ANAPC5: variants seen among roughly 807,000 people sequenced by gnomAD.
ANAPC5 encodes anaphase promoting complex subunit 5, also known as anaphase-promoting complex subunit 5.
In ANAPC5, 60 loss-of-function variants were observed where a neutral mutation model predicts 91.3. The ratio of observed to expected loss-of-function variants is 0.66; its 90% CI spans 0.53 to 0.81. ANAPC5 has a LOEUF of 0.81. ANAPC5 is among the 40% of genes least tolerant of loss of function. ANAPC5 has a pLI of 0.00. For synonymous variants in ANAPC5, 340 were observed against 364.1 expected (o/e 0.93, Z 0.75); for missense variants, 690 against 931.5 (o/e 0.74, Z 3.37).
In ANAPC5 at chr12:121,330,659, ACATAAAGCCAGCT is replaced by A; in HGVS notation, c.1033_1045del (p.Ser345CysfsTer17). The stretch of plus-strand genomic sequence containing the variant: ...GCTATCGGATCTCTTCTGCCCCAGC[ACATAAAGCCAGCT>A]CTGGCAAGAGAAATCATCAAAATAT... On this transcript the variant is annotated frameshift_variant and splice_region_variant, in exon 9 of 17. Coordinates refer to ENST00000261819, the MANE Select transcript of ANAPC5 (RefSeq NM_016237.5). LOFTEE classifies it high-confidence loss of function. 6.2e-7 allele frequency: 1 copy of A among 1,614,124 alleles called. No individual in the cohort carries two copies. Among genetic ancestry groups the A allele is most frequent in the Non-Finnish European group, 8.5e-7 (1 of 1,179,954 alleles).
At chr12:121,318,099 G>T in intron 15 of ANAPC5, 178 bp downstream of exon 15, 1 of 618,964 alleles carries the variant, frequency 1.6e-6, no homozygotes, top group Non-Finnish European at 2.4e-6. Context: ...GTGTCAGTTT[G>T]TCACCAGGTT....
At position 121,318,461 on chromosome 12, in the gene ANAPC5, C is replaced by T. The variant is rs752761992; in HGVS notation, c.1746-37G>A. ...GAGGAAAACACAGGATGAGAAGATCCACCACCACATCTCCGTGAGATGTAC... is the reference window on the plus strand; with the variant it reads ...GAGGAAAACACAGGATGAGAAGATCTACCACCACATCTCCGTGAGATGTAC... On this transcript the variant is annotated intron_variant, in intron 14 of 16. Transcript: ENST00000261819. 1.9e-6 allele frequency: 3 copies of T among 1,611,594 alleles called. No homozygotes were observed. In the South Asian group the frequency reaches 3.3e-5, roughly 18 times the overall value.
At chr12:121,322,539 C>A (rs1379432647) in intron 11 of ANAPC5, among the ~76,000 whole-genome samples, 1 of 152,184 alleles carries the variant, frequency 6.6e-6, no homozygotes, top group Non-Finnish European at 1.5e-5. Context: ...ATGAATAAAT[C>A]TTTCAATGTC....
At chr12:121,336,791 A>C (rs1349907545) in intron 6 of ANAPC5, among the ~76,000 whole-genome samples, 1 of 152,234 alleles carries the variant, frequency 6.6e-6, no homozygotes, top group African/African-American at 2.4e-5. Context: ...AAGAGTAAGA[A>C]GAAATCGCCT....
intron 10 of ANAPC5, 59 bp downstream of exon 10, chr12:121,328,257 C>G (rs1404801003): frequency 6.5e-7 from 1 of 1,537,776 alleles, no homozygotes; most frequent in African/African-American, 1.4e-5. Flanking sequence ...ACAGAACCAG[C>G]TTGCTAGCTC....
chr12:121,337,480 C>A (rs1432979679), intron 5 of ANAPC5, 88 bp from the exon 6 acceptor site: 2 of 1,042,042 alleles, frequency 1.9e-6, no homozygotes, highest in Non-Finnish European at 2.8e-6. Context: ...TGATTATTTT[C>A]TTTTCTACAG....
intron 8 of ANAPC5, 85 bp downstream of exon 8, chr12:121,331,262 C>T (rs1277521243): frequency 8.2e-7 from 1 of 1,225,338 alleles, no homozygotes; most frequent in Non-Finnish European, 1.2e-6. Context: ...TCTGCTCCAA[C>T]TGCAAAACAA....
intron 5 of ANAPC5, among the ~76,000 whole-genome samples, chr12:121,339,678 A>C (rs1903369249): frequency 6.6e-6 from 1 of 152,062 alleles, no homozygotes; most frequent in East Asian, 1.9e-4. Flanking sequence ...CATGTTGGTC[A>C]GGCTGGTCTC....
Position 121,321,343 on chromosome 12 carries a change from CTTTTTTTT to C in ANAPC5, c.1441-892_1441-885del, listed in dbSNP as rs71079053. Among the ~76,000 whole-genome samples the C allele has an allele frequency of 5.4e-4, 54 of 100,670 alleles. No homozygotes were observed. The South Asian group carries it at 0.016, about 31-fold the overall frequency. 66.0% of individuals were successfully genotyped at this position (100,670 alleles called of 152,430 possible). On this transcript the variant is annotated intron_variant, in intron 11 of 16. Coordinates refer to ENST00000261819, the MANE Select transcript of ANAPC5 (RefSeq NM_016237.5). ...CATGTAAACAAGAACAAACAAATTA[CTTTTTTTT>C]TTTTTTTTTTTTTTTTATGAGACAG...
Position 121,337,089 on chromosome 12 carries a change from G to A in ANAPC5, c.759+202C>T, listed in dbSNP as rs111582580. Among the ~76,000 whole-genome samples, 6 of 152,232 alleles carry A rather than the reference G, an allele frequency of 3.9e-5. 1 individual carries two copies. The highest frequency in any genetic ancestry group is 1.2e-4 in the African/African-American group (5 of 41,538). ...AAAAATTAGCTGGGCGTGGTGGCACGTGCCTGTAATCCCAGCTACCTGGGA... is the reference window on the plus strand; with the variant it reads ...AAAAATTAGCTGGGCGTGGTGGCACATGCCTGTAATCCCAGCTACCTGGGA... On this transcript the variant is annotated intron_variant, in intron 6 of 16. Coordinates refer to ENST00000261819, the MANE Select transcript of ANAPC5 (RefSeq NM_016237.5).
rs1902517561 is a variant in ANAPC5, at chr12:121,319,675, TAG to T, written c.1637+20_1637+21del. On this transcript the variant is annotated intron_variant, in intron 13 of 16. Coordinates refer to ENST00000261819, the MANE Select transcript of ANAPC5 (RefSeq NM_016237.5). ...TTTAACAATTATTTTATTCTGGGGT[TAG>T]AGTTTTCAAGGTTTCTTACCTATAA... is the stretch of plus-strand genomic sequence containing the variant. 2 of 1,596,230 alleles carry T rather than the reference TAG, an allele frequency of 1.3e-6. No homozygotes were observed. Among genetic ancestry groups the T allele is most frequent in the African/African-American group, 2.7e-5 (2 of 74,136 alleles).
chr12:121,321,780 C>A (rs976828003), intron 11 of ANAPC5, among the ~76,000 whole-genome samples: 1 of 151,976 alleles, frequency 6.6e-6, no homozygotes, highest in African/African-American at 2.4e-5. Flanking sequence ...TCAAGCAATC[C>A]ACCCACCTCA....
chr12:121,352,412 G>A (rs1160387151), upstream of ANAPC5: 12 of 1,255,096 alleles, frequency 9.6e-6, no homozygotes, highest in Admixed American at 2.3e-5. Context: ...CAACACTACC[G>A]GGTCTACATC....
intron 1 of ANAPC5, 108 bp from the exon 2 acceptor site, chr12:121,347,989 AAACATGCAAAT>A: frequency 1.3e-6 from 1 of 768,446 alleles, no homozygotes; most frequent in East Asian, 2.6e-5. Flanking sequence ...TAATCACTCC[AAACATGCAAAT>A]AAGGATTTTT....
intron 15 of ANAPC5, among the ~76,000 whole-genome samples, chr12:121,316,732 C>CAA (rs35989752): frequency 0.016 from 448 of 28,654 alleles, 31 homozygotes; most frequent in African/African-American, 0.034. Context: ...GACTCTGTCT[C>CAA]AAAAAAAAAA....
At chr12:121,344,389 G>A (rs1226816252) in intron 4 of ANAPC5, among the ~76,000 whole-genome samples, 6 of 152,110 alleles carry the variant, frequency 3.9e-5, no homozygotes, top group East Asian at 1.9e-4. Context: ...GACCAGCCTG[G>A]CCAACACAGT....
intron 7 of ANAPC5, chr12:121,332,437 G>GT (rs1903076199): frequency 6.6e-6 from 1 of 152,220 alleles, no homozygotes; most frequent in Admixed American, 6.5e-5. Context: ...TGTATCTGGA[G>GT]TAAGAGTGTT....
At chr12:121,334,862 T>C (rs1174874449) in intron 7 of ANAPC5, 2 of 152,222 alleles carry the variant, frequency 1.3e-5, no homozygotes, top group Non-Finnish European at 2.9e-5. Context: ...AATGACCTAA[T>C]TTCTTTTTCA....
At chr12:121,309,917 AG>A (rs1312081525) in intron 15 of ANAPC5, 54 bp from the exon 16 acceptor site, 179 of 1,494,656 alleles carry the variant, frequency 1.2e-4, no homozygotes, top group Middle Eastern at 1.1e-3. Flanking sequence ...GCCCTTCACC[AG>A]GAAGCGTTTC....
Sources: gnomAD v4.1 joint callset for allele counts (sites outside exome capture counted in the v4.1 genomes callset) on GRCh38, gnomAD v4.1.1 for gene constraint, MANE v1.5 for transcripts, NCBI Gene and HGNC (gene_info 2026-07-23, HGNC 2026-07-21) for gene names.